BIRC6: variants seen among roughly 807,000 people sequenced by gnomAD.
The protein encoded by BIRC6 is baculoviral IAP repeat containing 6.
BIRC6 carries 98 observed loss-of-function variants against 503.3 expected under a neutral mutation model. The observed-to-expected ratio is 0.19, with a 90% confidence interval of 0.17 to 0.23. The LOEUF (loss-of-function observed/expected upper bound fraction) is 0.23. Among genes scored for constraint, BIRC6 ranks in the 10% least tolerant of loss-of-function variants. BIRC6 has a pLI of 1.00. For missense variants in BIRC6, 5,360 were observed against 5,806.0 expected, an observed-to-expected ratio of 0.92 and a Z score of 2.50; for synonymous variants, 2,240 against 2,078.7, an observed-to-expected ratio of 1.08 and a Z score of -2.11.
At chr2:32,376,592 T>G (rs2149352218) in intron 1 of BIRC6, among the ~76,000 whole-genome samples, 1 of 152,352 alleles carries the variant, frequency 6.6e-6, no homozygotes. Context: ...TAGATATTTC[T>G]AGGCTACGTG....
intron 3 of BIRC6, among the ~76,000 whole-genome samples, chr2:32,383,335 C>T (rs1285853266): frequency 6.6e-6 from 1 of 152,036 alleles, no homozygotes; most frequent in Non-Finnish European, 1.5e-5. Context: ...GAGCCTAGTC[C>T]TCAGTTTATA....
intron 66 of BIRC6, among the ~76,000 whole-genome samples, chr2:32,587,684 A>G (rs1188029438): frequency 6.6e-6 from 1 of 152,252 alleles, no homozygotes; most frequent in African/African-American, 2.4e-5. Context: ...AGATCACGCC[A>G]CTGCACTCCA....
intron 66 of BIRC6, among the ~76,000 whole-genome samples, chr2:32,582,129 G>T (rs2060715966): frequency 6.6e-6 from 1 of 152,164 alleles, no homozygotes; most frequent in African/African-American, 2.4e-5. Context: ...AAAGTGTTGG[G>T]ATTACAGGTG....
chr2:32,380,647 A>T (rs1573791361), intron 3 of BIRC6, among the ~76,000 whole-genome samples: 1 of 152,058 alleles, frequency 6.6e-6, no homozygotes, highest in Non-Finnish European at 1.5e-5. Flanking sequence ...AATCACTTGA[A>T]CCCAGGAGGC....
chr2:32,509,555 G>A, intron 51 of BIRC6, 183 bp from the exon 52 acceptor site: 1 of 693,480 alleles, frequency 1.4e-6, no homozygotes, highest in Non-Finnish European at 2.3e-6. Flanking sequence ...GCCTGGCCAT[G>A]ATTTATCTTA....
Position 32,485,720 on chromosome 2 carries a change from G to T in BIRC6, c.7774G>T (p.Asp2592Tyr), listed in dbSNP as rs550692848. Reference protein sequence around the residue: ...MLKMMSTLEADSILQALTNTS... With the variant: ...MLKMMSTLEAYSILQALTNTS... The stretch of plus-strand genomic sequence containing the variant: ...GAAAATGATGTCTACTCTGGAGGCA[G>T]ATTCCATTTTACAGGCATTAACAAA... The change falls in exon 40 of 74, where the codon GAT becomes TAT. Residue 2592 changes from aspartate (D) to tyrosine (Y), a missense_variant. By Grantham distance (160) the Asp-to-Tyr change is radical. Coordinates refer to ENST00000421745, the MANE Select transcript of BIRC6 (RefSeq NM_016252.4). The T allele has an allele frequency of 6.2e-7, 1 of 1,613,608 alleles. No homozygotes were observed. The highest frequency in any genetic ancestry group is 1.1e-5 in the South Asian group (1 of 91,058).
At chr2:32,604,615 T>G (rs1295455115) in intron 71 of BIRC6, among the ~76,000 whole-genome samples, 1 of 152,244 alleles carries the variant, frequency 6.6e-6, no homozygotes, top group African/African-American at 2.4e-5. Context: ...TTGTTATTCT[T>G]ATCAAATACA....
chr2:32,395,432 C>A, intron 5 of BIRC6, 79 bp from the exon 6 acceptor site: 1 of 1,151,914 alleles, frequency 8.7e-7, no homozygotes, highest in Non-Finnish European at 1.2e-6. Flanking sequence ...AAATTATGAA[C>A]TTTTAAAAAT....
At chr2:32,461,606 A>G (rs1373822910) in intron 23 of BIRC6, among the ~76,000 whole-genome samples, 1 of 151,158 alleles carries the variant, frequency 6.6e-6, no homozygotes, top group Non-Finnish European at 1.5e-5. Context: ...TTTTTTTAAC[A>G]TAAGGAAATT....
chr2:32,498,398 T>C (rs543797730), intron 45 of BIRC6, among the ~76,000 whole-genome samples: 1 of 152,296 alleles, frequency 6.6e-6, no homozygotes, highest in East Asian at 1.9e-4. Flanking sequence ...TTACAAGATA[T>C]ACCTTTATTT....
intron 5 of BIRC6, among the ~76,000 whole-genome samples, chr2:32,394,725 G>T (rs564987123): frequency 4.7e-4 from 72 of 152,286 alleles, no homozygotes; most frequent in African/African-American, 1.7e-3. Context: ...TTCCAGCTGG[G>T]GGGCTGAGGT....
intron 65 of BIRC6, among the ~76,000 whole-genome samples, chr2:32,567,127 C>A (rs2059588731): frequency 6.6e-6 from 1 of 152,112 alleles, no homozygotes. Flanking sequence ...CACACCACCA[C>A]ACCTGGCTGT....
chr2:32,417,590 T>C (rs1251256309), intron 10 of BIRC6, among the ~76,000 whole-genome samples: 1 of 152,200 alleles, frequency 6.6e-6, no homozygotes, highest in Non-Finnish European at 1.5e-5. Flanking sequence ...TAAGTGACTG[T>C]AACTAAGGCA....
intron 29 of BIRC6, 43 bp from the exon 30 acceptor site, chr2:32,469,352 T>C (rs1161200820): frequency 7.7e-6 from 11 of 1,430,610 alleles, no homozygotes; most frequent in East Asian, 2.4e-5. Context: ...TATTATACAA[T>C]ACATTTAAAT....
chr2:32,460,773 C>A (rs754512295), intron 23 of BIRC6, among the ~76,000 whole-genome samples: 22 of 151,560 alleles, frequency 1.5e-4, no homozygotes, highest in African/African-American at 5.1e-4. Context: ...GTTATTTGGG[C>A]GTTAGATTTT....
Position 32,499,918 on chromosome 2 carries a change from C to T in BIRC6, c.8840C>T (p.Thr2947Ile), listed in dbSNP as rs975128275. 37 of 1,613,822 alleles carry T rather than the reference C, an allele frequency of 2.3e-5. No individual in the cohort carries two copies. The highest frequency in any genetic ancestry group is 3.1e-5 in the Non-Finnish European group (37 of 1,179,894). ...GAATACAGTGCAAGAGTGTCTGTGA[C>T]CACAAATACAACAGATAGTGTTTCA... ...NREYSARVSV[T>I]TNTTDSVSDE... The change falls in exon 46 of 74, where the codon ACC becomes ATC. Residue 2947 changes from threonine (T) to isoleucine (I), a missense_variant. Physicochemically the swap from Thr to Ile is moderately conservative, Grantham distance 89. Around this residue, in one of 16 missense-constraint regions of BIRC6, gnomAD observed 2,299 missense variants for 2,267.2 expected, o/e 1.01. Coordinates refer to ENST00000421745, the MANE Select transcript of BIRC6 (RefSeq NM_016252.4).
At chr2:32,416,238 ATG>A in intron 10 of BIRC6, 75 bp downstream of exon 10, 1 of 1,391,940 alleles carries the variant, frequency 7.2e-7, no homozygotes, top group Non-Finnish European at 9.7e-7. Flanking sequence ...CAAACCTAGT[ATG>A]AATTTTAGGT....
At chr2:32,394,456 A>G (rs895121652) in intron 5 of BIRC6, among the ~76,000 whole-genome samples, 6 of 152,106 alleles carry the variant, frequency 3.9e-5, no homozygotes, top group South Asian at 2.1e-4. Flanking sequence ...ATTAGATTCC[A>G]TATTATGTGA....
chr2:32,361,479 AC>A (rs2034076303), intron 1 of BIRC6, among the ~76,000 whole-genome samples: 1 of 152,160 alleles, frequency 6.6e-6, no homozygotes, highest in African/African-American at 2.4e-5. Flanking sequence ...AGTATTCTGC[AC>A]CAGAGTGGTA....
Sources: allele counts gnomAD v4.1 joint callset (sites outside exome capture counted in the v4.1 genomes callset), GRCh38; gene constraint gnomAD v4.1.1; regional missense constraint gnomAD v4.1.1; transcripts MANE v1.5; gene names NCBI Gene and HGNC (gene_info 2026-07-23, HGNC 2026-07-21).